Variants in VGLL4 observed in about 807,000 individuals in gnomAD.
VGLL4 encodes vestigial like family member 4, also known as transcription cofactor vestigial-like protein 4.
A neutral mutation model predicts 21.0 loss-of-function variants in VGLL4; 7 were observed. The observed-to-expected ratio is 0.33, with a 90% confidence interval of 0.19 to 0.63. VGLL4 has a LOEUF of 0.63. Ranked by LOEUF, VGLL4 falls within the 20% of genes least tolerant of loss-of-function variation. VGLL4 has a pLI of 0.78. For missense variants in VGLL4, 394 were observed against 425.7 expected (o/e 0.93, Z 0.66); for synonymous variants, 222 against 173.2 (o/e 1.28, Z -2.21).
intron 2 of VGLL4, among the ~76,000 whole-genome samples, chr3:11,599,867 A>G (rs2074748771): frequency 6.6e-6 from 1 of 152,022 alleles, no homozygotes; most frequent in South Asian, 2.1e-4. Context: ...AATAATATTA[A>G]CAATGACTAA....
chr3:11,654,890 G>A (rs983020385), intron 2 of VGLL4, among the ~76,000 whole-genome samples: 1 of 152,150 alleles, frequency 6.6e-6, no homozygotes, highest in Non-Finnish European at 1.5e-5. Context: ...AGAATAAACG[G>A]TTTTTGTTGA....
chr3:11,588,751 A>G (rs548751253), intron 2 of VGLL4, among the ~76,000 whole-genome samples: 126 of 152,384 alleles, frequency 8.3e-4, no homozygotes, highest in African/African-American at 2.8e-3. Context: ...ACAGAAGGCA[A>G]GGAGTAGACT....
At chr3:11,617,271 C>A (rs1041729793) in intron 1 of VGLL4, among the ~76,000 whole-genome samples, 9 of 152,038 alleles carry the variant, frequency 5.9e-5, no homozygotes, top group Non-Finnish European at 8.8e-5. Flanking sequence ...CATCTTTGTG[C>A]GAGAGCAATG....
intron 2 of VGLL4, among the ~76,000 whole-genome samples, chr3:11,572,158 T>C (rs2073801206): frequency 6.6e-6 from 1 of 152,194 alleles, no homozygotes; most frequent in South Asian, 2.1e-4. Flanking sequence ...TGAGTATCTT[T>C]ATTATCATCA....
chr3:11,644,843 C>G, upstream of VGLL4, among the ~76,000 whole-genome samples: 1 of 102,722 alleles, frequency 9.7e-6, no homozygotes, highest in Admixed American at 1.2e-4. Flanking sequence ...GAGACTTTGT[C>G]TCAAAAAAAA....
At chr3:11,594,213 A>T (rs982505792) in intron 2 of VGLL4, among the ~76,000 whole-genome samples, 4 of 152,226 alleles carry the variant, frequency 2.6e-5, no homozygotes, top group African/African-American at 9.6e-5. Flanking sequence ...TAGCTATGGC[A>T]TCATCAAATG....
rs78208506 is a variant in VGLL4, at chr3:11,663,782, C to T, written c.64+39189G>A. 4.2e-4 allele frequency among the ~76,000 whole-genome samples: 64 copies of T among 152,212 alleles called. No individual in the cohort carries two copies. The East Asian group carries it at 6.4e-3, about 15-fold the overall frequency. ...TGCTGTACACACTGAAGGGTTTGGA[C>T]GGTTCTGTTATTACATACTTTCTTT... On this transcript the variant is annotated intron_variant, in intron 2 of 5. Transcript: ENST00000273038.
intron 2 of VGLL4, among the ~76,000 whole-genome samples, chr3:11,692,194 G>A (rs1381559733): frequency 6.6e-6 from 1 of 152,142 alleles, no homozygotes; most frequent in African/African-American, 2.4e-5. Flanking sequence ...TCTATTTTCA[G>A]CATCCATTAT....
chr3:11,696,888 T>C (rs1192322497), intron 2 of VGLL4, among the ~76,000 whole-genome samples: 1 of 152,120 alleles, frequency 6.6e-6, no homozygotes. Context: ...CCGCCGGGTA[T>C]GTGCCACCCA....
At chr3:11,705,168 G>A (rs568231003) in intron 1 of VGLL4, among the ~76,000 whole-genome samples, 1 of 152,242 alleles carries the variant, frequency 6.6e-6, no homozygotes. Flanking sequence ...CAGAAAAGCG[G>A]CTTAGTCATC....
chr3:11,643,714 CCCTTCA>C lies in VGLL4; in HGVS notation c.-202_-197del. 1 of 1,415,212 alleles carries C rather than the reference CCCTTCA, an allele frequency of 7.1e-7. No individual in the cohort carries two copies. The highest frequency in any genetic ancestry group is 9.2e-7 in the Non-Finnish European group (1 of 1,090,096). The allele number at this position is 1,415,212 out of a possible 1,614,324, so 87.7% of individuals were successfully genotyped here. A position where few individuals can be genotyped will look rare whatever the true frequency, so the allele number is the denominator to read the frequency against. On this transcript the variant is annotated 5_prime_UTR_variant, in exon 1 of 5. Coordinates refer to ENST00000430365, the MANE Select transcript of VGLL4 (RefSeq NM_001128219.3). ...ACAAAAAAATCGAGCTCACACGAAA[CCCTTCA>C]AGGGCTTACTGGTAGACGGTGTATG...
chr3:11,653,372 A>G lies in VGLL4; in HGVS notation c.64+49599T>C, dbSNP rs1266689142. Among the ~76,000 whole-genome samples the G allele has an allele frequency of 6.6e-6, 1 of 152,234 alleles. No homozygotes were observed. Among genetic ancestry groups the G allele is most frequent in the Non-Finnish European group, 1.5e-5 (1 of 68,044 alleles). On this transcript the variant is annotated intron_variant, in intron 2 of 5. Coordinates refer to the VGLL4 transcript ENST00000273038. The surrounding 1 kb of genome is among the most constrained non-coding windows in gnomAD (Gnocchi z 4.2). ...GATCAGTTGTATAACACTTTATAGA[A>G]AGAGAATCGTATGATGCTAGCTACT...
In VGLL4 at chr3:11,709,212, C is replaced by T. The variant is rs528574616; in HGVS notation, c.-13-6165G>A. Among the ~76,000 whole-genome samples the T allele has an allele frequency of 1.7e-4, 26 of 151,532 alleles. 1 individual carries two copies. Among genetic ancestry groups the T allele is most frequent in the Non-Finnish European group, 3.4e-4 (23 of 67,944 alleles). The stretch of plus-strand genomic sequence containing the variant: ...CAGTACTTTGGGAGGCCAAGGTGGG[C>T]GGATCACAAGGTCAGGAGTTCAAGA... On this transcript the variant is annotated intron_variant, in intron 1 of 5. Coordinates refer to the VGLL4 transcript ENST00000273038.
upstream of VGLL4, among the ~76,000 whole-genome samples, chr3:11,648,688 TAGAA>T (rs1320567602): frequency 6.6e-5 from 10 of 152,184 alleles, no homozygotes; most frequent in Non-Finnish European, 1.0e-4. Context: ...CATTTAAAAA[TAGAA>T]AGAACAAAGG....
chr3:11,586,501 A>G (rs2074364815), intron 2 of VGLL4, among the ~76,000 whole-genome samples: 1 of 152,216 alleles, frequency 6.6e-6, no homozygotes. Flanking sequence ...ATGGATGGAA[A>G]ATGGAGTCAG....
chr3:11,683,373 G>A (rs910731875), intron 2 of VGLL4, among the ~76,000 whole-genome samples: 22 of 152,200 alleles, frequency 1.4e-4, no homozygotes, highest in Non-Finnish European at 1.0e-4. Flanking sequence ...AAGCAGTATA[G>A]AGATTTCTCA....
chr3:11,690,013 C>G (rs1161753050), intron 2 of VGLL4, among the ~76,000 whole-genome samples: 1 of 152,162 alleles, frequency 6.6e-6, no homozygotes, highest in Non-Finnish European at 1.5e-5. Context: ...GCCCCAACAC[C>G]CCCTCAAGGA....
chr3:11,706,184 T>C (rs1292159719), intron 1 of VGLL4, among the ~76,000 whole-genome samples: 1 of 152,194 alleles, frequency 6.6e-6, no homozygotes, highest in Non-Finnish European at 1.5e-5. Flanking sequence ...AGCGGAATAT[T>C]AGACATTTAA....
chr3:11,678,774 C>T (rs1337104998), intron 2 of VGLL4, among the ~76,000 whole-genome samples: 2 of 152,140 alleles, frequency 1.3e-5, no homozygotes, highest in Non-Finnish European at 2.9e-5. Context: ...TAAAACAACT[C>T]ATAGCAAAGG....
Sources: gnomAD v4.1 joint callset for allele counts (sites outside exome capture counted in the v4.1 genomes callset) on GRCh38, gnomAD v4.1.1 for gene constraint, Gnocchi (gnomAD v3.1) non-coding constraint, MANE v1.5 for transcripts, NCBI Gene and HGNC (gene_info 2026-07-23, HGNC 2026-07-21) for gene names.